The following LRRC7 variants were observed in gnomAD, a reference collection of about 807,000 sequenced individuals.
LRRC7 encodes the protein leucine rich repeat containing 7.
In LRRC7, 23 loss-of-function variants were observed where a neutral mutation model predicts 175.7. That is an observed-to-expected ratio of 0.13 (90% CI 0.09 to 0.19). The LOEUF (loss-of-function observed/expected upper bound fraction) is 0.19, where lower values mean the gene tolerates loss of function less well. Ranked by LOEUF, LRRC7 falls within the 10% of genes least tolerant of loss-of-function variation. LRRC7 has a pLI of 1.00. For synonymous variants in LRRC7, 685 were observed against 680.9 expected (o/e 1.01, Z -0.09); for missense variants, 1,354 against 1,904.7 (o/e 0.71, Z 5.38).
chr1:69,736,901 A>C (rs577676644), intron 2 of LRRC7, among the ~76,000 whole-genome samples: 1 of 152,220 alleles, frequency 6.6e-6, no homozygotes, highest in Admixed American at 6.5e-5. Context: ...TAAGTTGTAA[A>C]CCAAGGTTCT....
chr1:70,078,858 C>T (rs1663007573), intron 24 of LRRC7, among the ~76,000 whole-genome samples: 1 of 150,732 alleles, frequency 6.6e-6, no homozygotes, highest in Non-Finnish European at 1.5e-5. Context: ...ACACACTCCC[C>T]GTAAGCTTAG....
chr1:69,850,051 T>C (rs1337505330), intron 7 of LRRC7, among the ~76,000 whole-genome samples: 1 of 151,896 alleles, frequency 6.6e-6, no homozygotes, highest in Non-Finnish European at 1.5e-5. Context: ...CATGGGGATG[T>C]TGGGTGATTT....
At chr1:70,053,406 C>T (rs1660893719) in intron 23 of LRRC7, among the ~76,000 whole-genome samples, 1 of 152,152 alleles carries the variant, frequency 6.6e-6, no homozygotes, top group African/African-American at 2.4e-5. Flanking sequence ...CTCTTACCAC[C>T]CACCTTTGAA....
intron 2 of LRRC7, among the ~76,000 whole-genome samples, chr1:69,747,780 A>C (rs1020345560): frequency 6.6e-6 from 1 of 152,040 alleles, no homozygotes; most frequent in East Asian, 1.9e-4. Flanking sequence ...CTTTGATCCC[A>C]TATCATAGAC....
chr1:70,099,088 C>A (rs1205839502), intron 25 of LRRC7, among the ~76,000 whole-genome samples: 94 of 146,866 alleles, frequency 6.4e-4, no homozygotes, highest in African/African-American at 2.2e-3. Context: ...TACTGGCAAA[C>A]CGAATCCAGC....
intron 3 of LRRC7, among the ~76,000 whole-genome samples, chr1:69,770,511 A>T (rs1225089434): frequency 1.3e-5 from 2 of 152,194 alleles, no homozygotes; most frequent in African/African-American, 4.8e-5. Flanking sequence ...TTGAATGATC[A>T]TTGATTATTT....
intron 2 of LRRC7, among the ~76,000 whole-genome samples, chr1:69,728,457 T>C (rs1393917909): frequency 1.3e-5 from 2 of 152,212 alleles, no homozygotes; most frequent in South Asian, 2.1e-4. Flanking sequence ...AAAGCTATCC[T>C]GCAGTTCATT....
chr1:69,742,507 A>G (rs952275763), intron 2 of LRRC7, among the ~76,000 whole-genome samples: 1 of 151,766 alleles, frequency 6.6e-6, no homozygotes, highest in Non-Finnish European at 1.5e-5. Context: ...ATTAGAAGAT[A>G]TTTATGTGTG....
chr1:69,870,152 G>C (rs1171158264), intron 7 of LRRC7, among the ~76,000 whole-genome samples: 1 of 152,224 alleles, frequency 6.6e-6, no homozygotes, highest in East Asian at 1.9e-4. Flanking sequence ...AAGATAGACT[G>C]CCCTTTTCAG....
In LRRC7 at chr1:70,121,712, T is replaced by C. The variant is rs1482703021; in HGVS notation, c.4621-68T>C. On this transcript the variant is annotated intron_variant, in intron 26 of 26. Transcript: ENST00000651989. Reference sequence around the variant, plus strand: ...TTGCTCAGTGCTCCCGTGAATTTTATGAATAGAAACAACGATACAGTGATA... The same window carrying C: ...TTGCTCAGTGCTCCCGTGAATTTTACGAATAGAAACAACGATACAGTGATA... 4 of 1,042,820 alleles carry C rather than the reference T, an allele frequency of 3.8e-6. No individual in the cohort carries two copies. The East Asian group carries it at 1.0e-4, about 26-fold the overall frequency. 64.6% of individuals were successfully genotyped at this position (1,042,820 alleles called of 1,614,324 possible).
intron 7 of LRRC7, among the ~76,000 whole-genome samples, chr1:69,878,352 G>T (rs966939359): frequency 6.6e-6 from 1 of 151,554 alleles, no homozygotes; most frequent in African/African-American, 2.4e-5. Flanking sequence ...AGGGGCAAAA[G>T]TGCATCTAGA....
intron 4 of LRRC7, among the ~76,000 whole-genome samples, chr1:69,809,153 C>G (rs1164836649): frequency 6.6e-6 from 1 of 152,134 alleles, no homozygotes; most frequent in African/African-American, 2.4e-5. Flanking sequence ...CACCTCTATG[C>G]AAATAAACTA....
At chr1:69,600,905 G>A (rs2094038) in intron 1 of LRRC7, among the ~76,000 whole-genome samples, 22,357 of 138,710 alleles carry the variant, frequency 0.16, 1,856 homozygotes, top group Admixed American at 0.22. Flanking sequence ...TCTGCCTCCC[G>A]GGTTCAAGCT....
intron 7 of LRRC7, among the ~76,000 whole-genome samples, chr1:69,920,802 A>G (rs1646867561): frequency 6.6e-6 from 1 of 152,148 alleles, no homozygotes; most frequent in Admixed American, 6.5e-5. Context: ...TATTCACTTG[A>G]CACACTTAGT....
intron 4 of LRRC7, among the ~76,000 whole-genome samples, chr1:69,793,575 C>T (rs1189729868): frequency 6.6e-6 from 1 of 151,994 alleles, no homozygotes; most frequent in Non-Finnish European, 1.5e-5. Flanking sequence ...CATTCCCAGA[C>T]CACCCTATTT....
Position 69,736,754 on chromosome 1 carries a change from T to C in LRRC7, c.101-23437T>C, listed in dbSNP as rs138004793. 6.6e-3 allele frequency among the ~76,000 whole-genome samples: 999 copies of C among 152,234 alleles called. 4 individuals carry two copies. The highest frequency in any genetic ancestry group is 0.012 in the Non-Finnish European group (782 of 67,996). On this transcript the variant is annotated intron_variant, in intron 2 of 26. Coordinates refer to ENST00000651989, the MANE Select transcript of LRRC7 (RefSeq NM_001370785.2). ...GAGGAAAGGGGACCAGGCTGCGGGT[T>C]CTTTCTCTTCTTTCTCCGTGTTGAG...
At chr1:69,923,823 A>C (rs1429247622) in intron 7 of LRRC7, among the ~76,000 whole-genome samples, 1 of 151,520 alleles carries the variant, frequency 6.6e-6, no homozygotes. Context: ...CCCATTTGTC[A>C]ATTTTGTCTT....
At chr1:69,664,908 G>A (rs1412422404) in intron 1 of LRRC7, among the ~76,000 whole-genome samples, 1 of 152,126 alleles carries the variant, frequency 6.6e-6, no homozygotes, top group Non-Finnish European at 1.5e-5. Flanking sequence ...TTTCTTCAAT[G>A]TTTACTTTTA....
chr1:70,134,598 C>G lies in LRRC7; in HGVS notation c.*12711C>G, dbSNP rs1428731549. On this transcript the variant is annotated 3_prime_UTR_variant, in exon 27 of 27. Transcript: ENST00000651989. ...GTTCTTTCCCAAAGTTTATGTGAAG[C>G]CATTTATATCCTCTGGTGTTTTCCT... Among the ~76,000 whole-genome samples the G allele has an allele frequency of 6.6e-6, 1 of 152,096 alleles. No homozygotes were observed. Among genetic ancestry groups the G allele is most frequent in the Non-Finnish European group, 1.5e-5 (1 of 68,016 alleles).
Sources: allele counts gnomAD v4.1 joint callset (sites outside exome capture counted in the v4.1 genomes callset), GRCh38; gene constraint gnomAD v4.1.1; transcripts MANE v1.5; gene names NCBI Gene and HGNC (gene_info 2026-07-23, HGNC 2026-07-21).